CABLES1: variants seen among roughly 807,000 people sequenced by gnomAD.
CABLES1 encodes the protein Cdk5 and Abl enzyme substrate 1.
A neutral mutation model predicts 57.8 loss-of-function variants in CABLES1; 36 were observed. The ratio of observed to expected loss-of-function variants is 0.62; its 90% CI spans 0.48 to 0.82. The LOEUF (loss-of-function observed/expected upper bound fraction) is 0.82, where lower values mean the gene tolerates loss of function less well. Ranked by LOEUF, CABLES1 falls within the 40% of genes least tolerant of loss-of-function variation. The probability of loss-of-function intolerance (pLI) is 0.00; values close to 1 mark genes in which losing one functional copy is unlikely to be tolerated. For missense variants in CABLES1, 767 were observed against 836.6 expected, an observed-to-expected ratio of 0.92 and a Z score of 1.03; for synonymous variants, 374 against 363.0, an observed-to-expected ratio of 1.03 and a Z score of -0.35.
intron 1 of CABLES1, among the ~76,000 whole-genome samples, chr18:23,147,978 CCTTTT>C: frequency 7.4e-6 from 1 of 136,030 alleles, no homozygotes; most frequent in South Asian, 2.3e-4. Flanking sequence ...TGCTTGGCCT[CCTTTT>C]TTTTTTTTTT....
chr18:23,175,726 G>T (rs7239879), intron 1 of CABLES1, among the ~76,000 whole-genome samples: 7,103 of 152,256 alleles, frequency 0.047, 546 homozygotes, highest in African/African-American at 0.16. Flanking sequence ...CAGAATATAG[G>T]CATGAGCCAC....
intron 1 of CABLES1, among the ~76,000 whole-genome samples, chr18:23,152,321 CT>C (rs1287008850): frequency 6.6e-6 from 1 of 152,128 alleles, no homozygotes; most frequent in Non-Finnish European, 1.5e-5. Context: ...ATTTCTCCCC[CT>C]AATCCTTGCC....
At chr18:23,198,691 T>C (rs747910327) in intron 3 of CABLES1, among the ~76,000 whole-genome samples, 40 of 152,180 alleles carry the variant, frequency 2.6e-4, no homozygotes, top group Non-Finnish European at 4.7e-4. Context: ...TTTGCTGGCT[T>C]TGAAGGTAGA....
chr18:23,144,542 T>G (rs566901348), intron 1 of CABLES1, among the ~76,000 whole-genome samples: 3 of 152,244 alleles, frequency 2.0e-5, no homozygotes, highest in Non-Finnish European at 4.4e-5. Context: ...GAGTACCTCT[T>G]GTGTGCCACA....
At chr18:23,195,839 A>T (rs1302148873) in intron 3 of CABLES1, among the ~76,000 whole-genome samples, 2 of 152,090 alleles carry the variant, frequency 1.3e-5, no homozygotes, top group Non-Finnish European at 2.9e-5. Flanking sequence ...TGAGGCTTTT[A>T]CTTACAGAAT....
chr18:23,201,178 T>C (rs930598657), intron 3 of CABLES1, among the ~76,000 whole-genome samples: 7 of 152,222 alleles, frequency 4.6e-5, no homozygotes, highest in Non-Finnish European at 4.4e-5. Context: ...CTGCTGATTA[T>C]AGCGCAGGAT....
At chr18:23,247,771 A>G (rs1275350918) in intron 7 of CABLES1, among the ~76,000 whole-genome samples, 1 of 152,242 alleles carries the variant, frequency 6.6e-6, no homozygotes, top group African/African-American at 2.4e-5. Flanking sequence ...TGAAGAGAGC[A>G]CAGCAGACAG....
In CABLES1 at chr18:23,191,836, G is replaced by A. The variant is rs1162868137; in HGVS notation, c.918-2612G>A. Among the ~76,000 whole-genome samples, 10 of 142,646 alleles carry A rather than the reference G, an allele frequency of 7.0e-5. No homozygotes were observed. The Admixed American group carries it at 7.3e-4, about 10-fold the overall frequency. 93.6% of individuals were successfully genotyped at this position (142,646 alleles called of 152,430 possible). A position where few individuals can be genotyped will look rare whatever the true frequency, so the allele number is the denominator to read the frequency against. ...TGAGCGCCCGGTATTCCAGTTCCTT[G>A]GCAATTGTTGCCAACGCCACAATTC... On this transcript the variant is annotated intron_variant, in intron 2 of 9. Transcript: ENST00000256925.
chr18:23,205,998 A>G (rs568628498), intron 3 of CABLES1, among the ~76,000 whole-genome samples: 1 of 152,252 alleles, frequency 6.6e-6, no homozygotes, highest in South Asian at 2.1e-4. Context: ...AGTGCCTTCA[A>G]ATGGAGCATG....
chr18:23,230,563 C>T (rs145219179), intron 4 of CABLES1, among the ~76,000 whole-genome samples: 1 of 152,262 alleles, frequency 6.6e-6, no homozygotes, highest in East Asian at 1.9e-4. Context: ...GGAAAAGTTG[C>T]CCTCTGCCAT....
chr18:23,235,291 G>A (rs1275483117), intron 5 of CABLES1, among the ~76,000 whole-genome samples: 2 of 152,232 alleles, frequency 1.3e-5, no homozygotes, highest in Non-Finnish European at 2.9e-5. Context: ...TGGGGAATCT[G>A]TCCCGGGGTA....
intron 7 of CABLES1, among the ~76,000 whole-genome samples, chr18:23,240,666 C>T (rs1470200029): frequency 6.6e-6 from 1 of 152,182 alleles, no homozygotes; most frequent in African/African-American, 2.4e-5. Context: ...GCTCACCTCC[C>T]TTAGTATTAG....
Position 23,191,857 on chromosome 18 carries a change from A to G in CABLES1, c.918-2591A>G, listed in dbSNP as rs114372182. ...CCTTGGCAATTGTTGCCAACGCCAC[A>G]ATTCTCTTAAAGCATTTCTTAGATT... On this transcript the variant is annotated intron_variant, in intron 2 of 9. Coordinates refer to ENST00000256925, the MANE Select transcript of CABLES1 (RefSeq NM_001100619.3). Among the ~76,000 whole-genome samples, 794 of 149,058 alleles carry G rather than the reference A, an allele frequency of 5.3e-3. 7 individuals are homozygous for G. Among genetic ancestry groups the G allele is most frequent in the African/African-American group, 0.019 (756 of 40,144 alleles).
intron 7 of CABLES1, among the ~76,000 whole-genome samples, chr18:23,246,674 A>C (rs1014532809): frequency 2.6e-5 from 4 of 151,504 alleles, no homozygotes; most frequent in African/African-American, 9.8e-5. Context: ...TATATGCTTG[A>C]GCCACCGCAC....
At position 23,162,079 on chromosome 18, in the gene CABLES1, C is replaced by T. The variant is rs143909328; in HGVS notation, c.845+25472C>T. ...ACTTGGGAGGCTGAGGCAGGGGAATCGCTTGAACTCGGGAGGCAGATGTTG... is the reference window on the plus strand; with the variant it reads ...ACTTGGGAGGCTGAGGCAGGGGAATTGCTTGAACTCGGGAGGCAGATGTTG... On this transcript the variant is annotated intron_variant, in intron 1 of 9. Transcript: ENST00000256925. Among the ~76,000 whole-genome samples the T allele has an allele frequency of 2.8e-3, 418 of 151,722 alleles. 1 individual carries two copies. The highest frequency in any genetic ancestry group is 4.9e-3 in the Non-Finnish European group (331 of 67,932).
At position 23,218,612 on chromosome 18, in the gene CABLES1, GCTCCCGCATCCTCACTTGCCCTGC is replaced by G. The variant is rs1568072624; in HGVS notation, c.1088+4582_1088+4605del. Among the ~76,000 whole-genome samples the G allele has an allele frequency of 9.7e-3, 240 of 24,758 alleles. 1 individual carries two copies. Among genetic ancestry groups the G allele is most frequent in the African/African-American group, 0.019 (104 of 5,340 alleles). The allele number at this position is 24,758 out of a possible 152,430, so 16.2% of individuals were successfully genotyped here. ...GCCTCCCGCATCCTCACTTGCCCTG[GCTCCCGCATCCTCACTTGCCCTGC>G]CTCCCGCATCCTCACTTGCCCTGGC... On this transcript the variant is annotated intron_variant, in intron 4 of 9. Coordinates refer to ENST00000256925, the MANE Select transcript of CABLES1 (RefSeq NM_001100619.3).
Position 23,161,754 on chromosome 18 carries a change from C to CAAAAAAAAAAAAAAA in CABLES1, c.845+25154_845+25168dup, listed in dbSNP as rs1184010487. On this transcript the variant is annotated intron_variant, in intron 1 of 9. Coordinates refer to ENST00000256925, the MANE Select transcript of CABLES1 (RefSeq NM_001100619.3). ...TGAAACCCCGTCTCTACTAAAAATC[C>CAAAAAAAAAAAAAAA]AAAAAAAAAAAAAAAAAAAAAGCCA... 9.0e-5 allele frequency among the ~76,000 whole-genome samples: 3 copies of CAAAAAAAAAAAAAAA among 33,150 alleles called. 1 individual carries two copies. The highest frequency in any genetic ancestry group is 2.3e-4 in the African/African-American group (3 of 13,314). 21.7% of individuals were successfully genotyped at this position (33,150 alleles called of 152,430 possible).
intron 1 of CABLES1, among the ~76,000 whole-genome samples, chr18:23,153,196 A>G (rs2046942555): frequency 6.6e-6 from 1 of 151,918 alleles, no homozygotes; most frequent in Admixed American, 6.6e-5. Flanking sequence ...CCTGGACTCA[A>G]GCAATCCTCC....
At chr18:23,154,954 C>G (rs946770299) in intron 1 of CABLES1, among the ~76,000 whole-genome samples, 3 of 152,220 alleles carry the variant, frequency 2.0e-5, no homozygotes, top group Non-Finnish European at 4.4e-5. Flanking sequence ...TGGGAAGCTG[C>G]TATGTGTGTA....
Sources: gnomAD v4.1 joint callset for allele counts (sites outside exome capture counted in the v4.1 genomes callset) on GRCh38, gnomAD v4.1.1 for gene constraint, MANE v1.5 for transcripts, NCBI Gene and HGNC (gene_info 2026-07-23, HGNC 2026-07-21) for gene names.